ZMYND8: variants seen among roughly 807,000 people sequenced by gnomAD.
ZMYND8 encodes MYND-type zinc finger-containing chromatin reader ZMYND8.
In ZMYND8, 37 loss-of-function variants were observed where a neutral mutation model predicts 140.8. That is an observed-to-expected ratio of 0.26 (90% confidence interval 0.20 to 0.35). The LOEUF (loss-of-function observed/expected upper bound fraction) is 0.35, where lower values mean the gene tolerates loss of function less well. Among genes scored for constraint, ZMYND8 ranks in the 10% least tolerant of loss-of-function variants. The probability of loss-of-function intolerance (pLI) is 1.00; values close to 1 mark genes in which losing one functional copy is unlikely to be tolerated. For synonymous variants in ZMYND8, 592 were observed against 597.1 expected (o/e 0.99, Z 0.12); for missense variants, 1,068 against 1,570.0 (o/e 0.68, Z 5.40).
At chr20:47,259,866 A>C (rs13038759) in intron 12 of ZMYND8, among the ~76,000 whole-genome samples, 34,048 of 151,848 alleles carry the variant, frequency 0.22, 4,693 homozygotes, top group African/African-American at 0.39. Flanking sequence ...AAGTCATTTC[A>C]AGAACTACCA....
chr20:47,337,827 C>T (rs1449254362), intron 2 of ZMYND8, among the ~76,000 whole-genome samples: 1 of 152,030 alleles, frequency 6.6e-6, no homozygotes, highest in Non-Finnish European at 1.5e-5. Flanking sequence ...AGAGCTAAAA[C>T]GCTCTACTAA....
chr20:47,296,786 T>C (rs2077664636), intron 4 of ZMYND8, among the ~76,000 whole-genome samples: 1 of 151,930 alleles, frequency 6.6e-6, no homozygotes, highest in African/African-American at 2.4e-5. Flanking sequence ...CAAGACCCTG[T>C]CTCTACAAAA....
intron 2 of ZMYND8, among the ~76,000 whole-genome samples, chr20:47,332,681 G>A (rs1028080622): frequency 1.1e-4 from 16 of 152,146 alleles, no homozygotes; most frequent in South Asian, 2.1e-4. Flanking sequence ...CTGCACTCCC[G>A]TCTGGGGAAC....
intron 3 of ZMYND8, among the ~76,000 whole-genome samples, chr20:47,308,474 G>A (rs553146857): frequency 1.3e-5 from 2 of 152,252 alleles, no homozygotes; most frequent in East Asian, 3.9e-4. Flanking sequence ...GTTTGCCTCG[G>A]CCTCCCAAAA....
At chr20:47,313,429 TG>T (rs780267211) in intron 2 of ZMYND8, among the ~76,000 whole-genome samples, 5 of 151,140 alleles carry the variant, frequency 3.3e-5, no homozygotes, top group South Asian at 2.1e-4. Flanking sequence ...GAGACCATCC[TG>T]GCTAACATGG....
intron 11 of ZMYND8, among the ~76,000 whole-genome samples, chr20:47,264,438 G>A (rs942495916): frequency 9.2e-5 from 14 of 151,878 alleles, no homozygotes; most frequent in Admixed American, 3.3e-4. Context: ...TATCACACCC[G>A]GCTATTTTTT....
chr20:47,232,504 C>T (rs1347834271), intron 16 of ZMYND8, among the ~76,000 whole-genome samples: 2 of 151,932 alleles, frequency 1.3e-5, no homozygotes, highest in East Asian at 3.9e-4. Flanking sequence ...AGCCTGGGCA[C>T]CAGGGTTAGA....
chr20:47,225,137 G>A (rs920356964), intron 18 of ZMYND8, among the ~76,000 whole-genome samples: 1 of 152,158 alleles, frequency 6.6e-6, no homozygotes, highest in Non-Finnish European at 1.5e-5. Context: ...GGATCCAGAT[G>A]GGACTGTGGT....
chr20:47,222,490 C>T (rs575444993), intron 19 of ZMYND8, among the ~76,000 whole-genome samples: 2 of 152,054 alleles, frequency 1.3e-5, no homozygotes, highest in East Asian at 3.9e-4. Context: ...GAGCTGAGAT[C>T]GCGCCGTTGC....
intron 2 of ZMYND8, among the ~76,000 whole-genome samples, chr20:47,343,604 C>T (rs559612948): frequency 1.1e-3 from 169 of 152,130 alleles, no homozygotes; most frequent in Non-Finnish European, 1.9e-3. Flanking sequence ...CTCCGCCTCT[C>T]GGGTTCAAGT....
intron 12 of ZMYND8, among the ~76,000 whole-genome samples, chr20:47,251,568 G>A (rs1331713661): frequency 6.7e-6 from 1 of 150,128 alleles, no homozygotes; most frequent in Non-Finnish European, 1.5e-5. Flanking sequence ...GCCTGGGTGA[G>A]CAAGATCCTG....
At chr20:47,313,435 A>T (rs887908220) in intron 2 of ZMYND8, among the ~76,000 whole-genome samples, 1 of 151,562 alleles carries the variant, frequency 6.6e-6, no homozygotes, top group African/African-American at 2.4e-5. Flanking sequence ...ATCCTGGCTA[A>T]CATGGTGAAA....
chr20:47,280,711 T>G (rs985503566), intron 10 of ZMYND8, among the ~76,000 whole-genome samples: 16 of 152,130 alleles, frequency 1.1e-4, no homozygotes. Flanking sequence ...TGGTTCACAT[T>G]TGTCATGCTC....
At chr20:47,346,487 CA>C (rs1472711542) in intron 2 of ZMYND8, among the ~76,000 whole-genome samples, 2 of 152,200 alleles carry the variant, frequency 1.3e-5, no homozygotes, top group African/African-American at 4.8e-5. Flanking sequence ...CCCAGTAAGC[CA>C]GGCCTTCCCA....
intron 11 of ZMYND8, among the ~76,000 whole-genome samples, chr20:47,264,893 C>T (rs995654013): frequency 8.6e-5 from 13 of 151,910 alleles, no homozygotes; most frequent in South Asian, 4.2e-4. Context: ...AAAATTTAGC[C>T]GGGCATGGTG....
intron 1 of ZMYND8, among the ~76,000 whole-genome samples, chr20:47,349,697 A>G (rs1012652035): frequency 3.9e-5 from 6 of 152,232 alleles, no homozygotes; most frequent in Non-Finnish European, 8.8e-5. Context: ...TTTTCTAGCA[A>G]CTAGAATTCT....
chr20:47,266,817 G>A (rs1033188664), intron 11 of ZMYND8, among the ~76,000 whole-genome samples: 1 of 150,914 alleles, frequency 6.6e-6, no homozygotes, highest in African/African-American at 2.4e-5. Context: ...AAAGCACTCT[G>A]TGTGTGTGTG....
At chr20:47,223,345 A>C (rs2146961811) in intron 19 of ZMYND8, among the ~76,000 whole-genome samples, 1 of 151,956 alleles carries the variant, frequency 6.6e-6, no homozygotes, top group Middle Eastern at 3.4e-3. Flanking sequence ...GTCTCTACTA[A>C]TAATACAAAA....
At chr20:47,334,595 G>GAA (rs58024466) in intron 2 of ZMYND8, among the ~76,000 whole-genome samples, 3,891 of 139,160 alleles carry the variant, frequency 0.028, 137 homozygotes, top group African/African-American at 0.074. Context: ...ACAACTCTGT[G>GAA]AAAAAAAAAA....
Sources: allele counts gnomAD v4.1 joint callset (sites outside exome capture counted in the v4.1 genomes callset), GRCh38; gene constraint gnomAD v4.1.1; transcripts MANE v1.5; gene names NCBI Gene and HGNC (gene_info 2026-07-23, HGNC 2026-07-21).